Variants in CSMD3 observed in about 807,000 individuals in gnomAD.
CSMD3 encodes CUB and Sushi multiple domains 3, also known as CUB and sushi domain-containing protein 3.
In CSMD3, 177 loss-of-function variants were observed where a neutral mutation model predicts 435.2. That is an observed-to-expected ratio of 0.41 (90% CI 0.36 to 0.46). The LOEUF (loss-of-function observed/expected upper bound fraction) is 0.46. CSMD3 is among the 20% of genes least tolerant of loss of function. The probability of loss-of-function intolerance (pLI) is 0.34; values close to 1 mark genes in which losing one functional copy is unlikely to be tolerated. For missense variants in CSMD3, 4,265 were observed against 4,504.6 expected (o/e 0.95, Z 1.52); for synonymous variants, 1,656 against 1,520.5 (o/e 1.09, Z -2.07).
intron 10 of CSMD3, among the ~76,000 whole-genome samples, chr8:112,911,529 AT>A (rs963255251): frequency 1.3e-5 from 2 of 151,656 alleles, no homozygotes; most frequent in Non-Finnish European, 2.9e-5. Flanking sequence ...TGCCTGGCTT[AT>A]CTCACTTAGC....
chr8:113,288,253 A>G (rs1363202319), intron 2 of CSMD3, among the ~76,000 whole-genome samples: 1 of 151,840 alleles, frequency 6.6e-6, no homozygotes, highest in Non-Finnish European at 1.5e-5. Flanking sequence ...AAAAATATAA[A>G]CCACAATCTT....
At chr8:113,208,248 C>T (rs2092793475) in intron 3 of CSMD3, among the ~76,000 whole-genome samples, 1 of 152,130 alleles carries the variant, frequency 6.6e-6, no homozygotes, top group East Asian at 1.9e-4. Flanking sequence ...GTGTATTTAG[C>T]AATGTGGGAT....
intron 8 of CSMD3, among the ~76,000 whole-genome samples, chr8:112,949,459 T>A (rs560132769): frequency 6.6e-6 from 1 of 152,004 alleles, no homozygotes; most frequent in East Asian, 1.9e-4. Flanking sequence ...GCGGACAAAT[T>A]GAAAGGCATT....
intron 35 of CSMD3, among the ~76,000 whole-genome samples, chr8:112,405,296 C>G (rs1552786): frequency 0.016 from 1,996 of 123,786 alleles, 27 homozygotes; most frequent in Admixed American, 0.023. Flanking sequence ...ACTAATATAA[C>G]TTTAATGAGA....
rs541149703 is a variant in CSMD3 at position 112,266,168 on chromosome 8, C to T, written c.9509-578G>A. Among the ~76,000 whole-genome samples the T allele has an allele frequency of 2.0e-5, 3 of 152,286 alleles. No homozygotes were observed. The East Asian group carries it at 5.8e-4, about 30-fold the overall frequency. On this transcript the variant is annotated intron_variant, in intron 59 of 70. Coordinates refer to ENST00000297405, the MANE Select transcript of CSMD3 (RefSeq NM_198123.2). ...TTCCAGCCCAAAATAGGGACTGTCA[C>T]TGCTCTGTTCTGCCCCAAGACTCCA...
chr8:112,567,054 C>T (rs951978622), intron 24 of CSMD3, among the ~76,000 whole-genome samples: 7 of 152,054 alleles, frequency 4.6e-5, no homozygotes, highest in African/African-American at 9.7e-5. Flanking sequence ...TGTCTTTGAC[C>T]TAGATTCCCT....
At chr8:112,949,983 C>A (rs1283632572) in intron 8 of CSMD3, among the ~76,000 whole-genome samples, 1 of 151,910 alleles carries the variant, frequency 6.6e-6, no homozygotes, top group Admixed American at 6.6e-5. Flanking sequence ...GATAATCACT[C>A]ATTTTTTCCA....
chr8:112,380,411 T>G lies in CSMD3; in HGVS notation c.6077A>C (p.Tyr2026Ser). 6.2e-7 allele frequency: 1 copy of G among 1,602,978 alleles called. No individual in the cohort carries two copies. Among genetic ancestry groups the G allele is most frequent in the Non-Finnish European group, 8.5e-7 (1 of 1,170,256 alleles). Residue 2026 changes from tyrosine (Y) to serine (S), a missense_variant, in exon 38 of 71, where the codon TAT becomes TCT. Physicochemically the swap from Tyr to Ser is moderately radical, Grantham distance 144. This residue lies in a region of CSMD3 where 3,255 missense variants were observed against 3,380.2 expected (regional missense o/e 0.96). Transcript: ENST00000297405. ...ACTGATGTCTGATTGAAAATTTAGA[T>G]ACAGATTATTAGACGTACTATTCAA... is the stretch of plus-strand genomic sequence containing the variant. The part of the protein sequence containing the change: ...HLLNSTSNNL[Y>S]LNFQSDISVS...
chr8:113,206,613 T>G lies in CSMD3; in HGVS notation c.515-32697A>C, dbSNP rs1484559089. On this transcript the variant is annotated intron_variant, in intron 3 of 70. Coordinates refer to ENST00000297405, the MANE Select transcript of CSMD3 (RefSeq NM_198123.2). Reference sequence around the variant, plus strand: ...TGTTAATTGCCTAGTTTTTACACCCTTCAACCTTTTCCTCAGCCTTGTACA... The same window carrying G: ...TGTTAATTGCCTAGTTTTTACACCCGTCAACCTTTTCCTCAGCCTTGTACA... 2.6e-5 allele frequency among the ~76,000 whole-genome samples: 4 copies of G among 152,258 alleles called. No individual in the cohort carries two copies. In the East Asian group the frequency reaches 7.7e-4, roughly 29 times the overall value.
intron 16 of CSMD3, among the ~76,000 whole-genome samples, chr8:112,671,434 A>C (rs1413112596): frequency 6.6e-6 from 1 of 152,076 alleles, no homozygotes; most frequent in African/African-American, 2.4e-5. Context: ...TAAATGATCT[A>C]ATCACATTGG....
At position 112,682,097 on chromosome 8, in the gene CSMD3, A is replaced by G. The variant is rs540368460; in HGVS notation, c.2677+345T>C. On this transcript the variant is annotated intron_variant, in intron 16 of 70. Coordinates refer to ENST00000297405, the MANE Select transcript of CSMD3 (RefSeq NM_198123.2). ...AAATTAGTGTGTACCATGAATAGAT[A>G]ACATACCGAGAAAAAATGAATGGAA... Among the ~76,000 whole-genome samples, 4 of 152,250 alleles carry G rather than the reference A, an allele frequency of 2.6e-5. 1 individual carries two copies. The South Asian group carries it at 8.3e-4, about 32-fold the overall frequency.
At chr8:112,596,597 A>G (rs2131392865) in intron 22 of CSMD3, among the ~76,000 whole-genome samples, 1 of 152,244 alleles carries the variant, frequency 6.6e-6, no homozygotes. Flanking sequence ...CTATTCCAAA[A>G]TTGACCACAT....
intron 1 of CSMD3, among the ~76,000 whole-genome samples, chr8:113,428,224 CT>C (rs1227819834): frequency 2.0e-5 from 3 of 149,872 alleles, no homozygotes; most frequent in African/African-American, 7.4e-5. Context: ...ATCTATCTAT[CT>C]ATCTATCTAT....
At chr8:113,162,757 T>C in intron 4 of CSMD3, among the ~76,000 whole-genome samples, 1 of 151,942 alleles carries the variant, frequency 6.6e-6, no homozygotes, top group South Asian at 2.1e-4. Flanking sequence ...ACTAAAAGGG[T>C]TGTTATACAT....
chr8:112,819,986 A>T (rs2079483760), intron 12 of CSMD3, among the ~76,000 whole-genome samples: 1 of 152,130 alleles, frequency 6.6e-6, no homozygotes, highest in Non-Finnish European at 1.5e-5. Context: ...TATGCTGTCT[A>T]GCTAATTTTG....
intron 2 of CSMD3, 70 bp from the exon 3 acceptor site, chr8:113,278,774 G>C: frequency 1.3e-6 from 1 of 779,266 alleles, no homozygotes; most frequent in Non-Finnish European, 2.3e-6. Flanking sequence ...AAGGATTAAA[G>C]TCATATTTAA....
chr8:113,425,477 T>C (rs1398173310), intron 1 of CSMD3, among the ~76,000 whole-genome samples: 2 of 151,324 alleles, frequency 1.3e-5, no homozygotes, highest in African/African-American at 2.4e-5. Context: ...AAATAGGTAG[T>C]AATCTTCAAA....
intron 38 of CSMD3, among the ~76,000 whole-genome samples, chr8:112,378,680 G>C (rs1414555850): frequency 1.3e-5 from 2 of 152,122 alleles, no homozygotes; most frequent in African/African-American, 4.8e-5. Context: ...ATGAAGAGAG[G>C]TTGGTTAATG....
chr8:112,429,953 G>A lies in CSMD3; in HGVS notation c.5396-20921C>T, dbSNP rs568546874. 3.2e-4 allele frequency among the ~76,000 whole-genome samples: 48 copies of A among 151,940 alleles called. 1 individual carries two copies. The South Asian group carries it at 7.7e-3, about 24-fold the overall frequency. ...TTTATAATGATAAGAAGAAATTGAG[G>A]TCAAAGTTTCTGTATTTTAGCAACA... is the stretch of plus-strand genomic sequence containing the variant. On this transcript the variant is annotated intron_variant, in intron 32 of 70. Coordinates refer to ENST00000297405, the MANE Select transcript of CSMD3 (RefSeq NM_198123.2).
Sources: allele counts gnomAD v4.1 joint callset (sites outside exome capture counted in the v4.1 genomes callset), GRCh38; gene constraint gnomAD v4.1.1; regional missense constraint gnomAD v4.1.1; transcripts MANE v1.5; gene names NCBI Gene and HGNC (gene_info 2026-07-23, HGNC 2026-07-21).